The following CCDC102B variants were observed in gnomAD, a reference collection of about 807,000 sequenced individuals.
The protein encoded by CCDC102B is coiled-coil domain-containing protein 102B.
A neutral mutation model predicts 57.4 loss-of-function variants in CCDC102B; 75 were observed. That is an observed-to-expected ratio of 1.31 (90% CI 1.08 to 1.58). CCDC102B has a LOEUF of 1.58. Among genes scored for constraint, CCDC102B ranks in the 40% most tolerant of loss-of-function variants. The pLI is 0.00. For missense variants in CCDC102B, 636 were observed against 582.6 expected, an observed-to-expected ratio of 1.09 and a Z score of -0.94; for synonymous variants, 206 against 201.9, an observed-to-expected ratio of 1.02 and a Z score of -0.17.
intron 6 of CCDC102B, among the ~76,000 whole-genome samples, chr18:68,963,840 T>C (rs2050106167): frequency 6.6e-6 from 1 of 151,854 alleles, no homozygotes; most frequent in Non-Finnish European, 1.5e-5. Context: ...TGCATGCATG[T>C]ACTTATTTTG....
At chr18:68,728,002 C>A (rs1256105618) in intron 2 of CCDC102B, among the ~76,000 whole-genome samples, 2 of 152,166 alleles carry the variant, frequency 1.3e-5, no homozygotes, top group East Asian at 1.9e-4. Flanking sequence ...CAAAGTAAAT[C>A]ATACTGTTGT....
At chr18:68,911,656 G>A (rs951577543) in intron 6 of CCDC102B, among the ~76,000 whole-genome samples, 1 of 144,052 alleles carries the variant, frequency 6.9e-6, no homozygotes, top group East Asian at 2.1e-4. Context: ...AGAGGCTGAG[G>A]CAGGAGAATG....
At chr18:68,923,445 ATAT>A (rs1169240013) in intron 6 of CCDC102B, among the ~76,000 whole-genome samples, 3 of 151,978 alleles carry the variant, frequency 2.0e-5, no homozygotes, top group African/African-American at 4.8e-5. Flanking sequence ...TTAATAAATA[ATAT>A]TATTATTTAA....
At chr18:68,733,485 T>A (rs867694651) in intron 2 of CCDC102B, among the ~76,000 whole-genome samples, 2,170 of 87,242 alleles carry the variant, frequency 0.025, 96 homozygotes, top group African/African-American at 0.099. Flanking sequence ...ACTTTATATA[T>A]ATATATATAT....
At chr18:68,784,212 A>G (rs2035106120) in intron 2 of CCDC102B, among the ~76,000 whole-genome samples, 2 of 152,160 alleles carry the variant, frequency 1.3e-5, no homozygotes, top group Non-Finnish European at 2.9e-5. Context: ...GAAGCATGGC[A>G]GCTTCTGTTT....
chr18:68,987,383 T>C (rs978572120), intron 6 of CCDC102B, among the ~76,000 whole-genome samples: 3 of 151,948 alleles, frequency 2.0e-5, no homozygotes, highest in African/African-American at 7.2e-5. Context: ...AAGAATGAAA[T>C]TGGACCCCTA....
At chr18:68,769,007 A>T (rs1038469776) in intron 2 of CCDC102B, among the ~76,000 whole-genome samples, 2 of 152,130 alleles carry the variant, frequency 1.3e-5, no homozygotes, top group Admixed American at 1.3e-4. Flanking sequence ...TAATCCCAGC[A>T]CTTTGGGAGG....
At chr18:68,939,463 A>T (rs1313847463) in intron 6 of CCDC102B, among the ~76,000 whole-genome samples, 2 of 151,712 alleles carry the variant, frequency 1.3e-5, no homozygotes, top group Non-Finnish European at 3.0e-5. Context: ...CTTGATGAAG[A>T]TAACTGTTAA....
intron 6 of CCDC102B, among the ~76,000 whole-genome samples, chr18:68,959,499 C>T (rs945703179): frequency 1.1e-4 from 17 of 152,054 alleles, no homozygotes; most frequent in African/African-American, 2.9e-4. Context: ...CAGTGACCAC[C>T]GCCTGGTTAT....
intron 2 of CCDC102B, among the ~76,000 whole-genome samples, chr18:68,789,120 T>C (rs2035329490): frequency 1.3e-5 from 2 of 152,314 alleles, no homozygotes; most frequent in African/African-American, 4.8e-5. Context: ...AAATTCTGGG[T>C]TGAAAATTCT....
chr18:68,946,077 A>AT (rs143233426), intron 6 of CCDC102B, among the ~76,000 whole-genome samples: 1 of 151,788 alleles, frequency 6.6e-6, no homozygotes, highest in Non-Finnish European at 1.5e-5. Context: ...TACATTTATT[A>AT]TTTTTCATAT....
At position 68,839,035 on chromosome 18, in the gene CCDC102B, C is replaced by T. The variant is rs1346528316; in HGVS notation, c.827+109C>T. The T allele has an allele frequency of 3.3e-6, 3 of 920,950 alleles. No individual in the cohort carries two copies. The African/African-American group carries it at 5.0e-5, about 15-fold the overall frequency. 57.0% of individuals were successfully genotyped at this position (920,950 alleles called of 1,614,324 possible). A position where few individuals can be genotyped will look rare whatever the true frequency, so the allele number is the denominator to read the frequency against. On this transcript the variant is annotated intron_variant, in intron 3 of 7. Coordinates refer to ENST00000360242, the MANE Select transcript of CCDC102B (RefSeq NM_024781.3). ...ATAATGTATTTTATCCATGTTTAGT[C>T]ATTAAGTTTTAGGATTTAAAGAAAT...
In CCDC102B at chr18:68,837,167, G is replaced by A; in HGVS notation, c.404G>A (p.Ser135Asn). 6.2e-7 allele frequency: 1 copy of A among 1,614,100 alleles called. No individual in the cohort carries two copies. Residue 135 changes from serine to asparagine, a missense_variant, in exon 2 of 8, where the codon AGT (serine) becomes AAT (asparagine). Transcript: ENST00000360242. Reference sequence around the variant, plus strand: ...CTAGAGATGGCGATGAAAGAATTGAGTACACTGAAAAAGAAACAGAGTTTG... The same window carrying A: ...CTAGAGATGGCGATGAAAGAATTGAATACACTGAAAAAGAAACAGAGTTTG... ...IKLEMAMKEL[S>N]TLKKKQSLPP...
At position 68,760,183 on chromosome 18, in the gene CCDC102B, A is replaced by G. The variant is rs187277901; in HGVS notation, c.-67+43589A>G. 1.5e-3 allele frequency among the ~76,000 whole-genome samples: 232 copies of G among 152,236 alleles called. 2 individuals are homozygous for G. The highest frequency in any genetic ancestry group is 5.4e-3 in the African/African-American group (224 of 41,570). On this transcript the variant is annotated intron_variant, in intron 2 of 3. Transcript: ENST00000578970. ...CACAGTTTGGTTTTAAACTGTTTAC[A>G]TGAATTACCTTCTTAAAATAAAAGT...
At chr18:69,057,464 C>T (rs1034343051), downstream of CCDC102B, among the ~76,000 whole-genome samples, 3 of 151,982 alleles carry the variant, frequency 2.0e-5, no homozygotes, top group African/African-American at 7.2e-5. Context: ...AATACAGCTG[C>T]TGGCTGGGCC....
At chr18:68,776,663 G>T (rs1464046314) in intron 2 of CCDC102B, among the ~76,000 whole-genome samples, 2 of 152,036 alleles carry the variant, frequency 1.3e-5, no homozygotes, top group African/African-American at 4.8e-5. Context: ...CCTGTCAGAG[G>T]GTGGAGAGTG....
In CCDC102B at chr18:68,972,244, G is replaced by A. The variant is rs1464788244; in HGVS notation, c.1264-38690G>A. On this transcript the variant is annotated intron_variant, in intron 6 of 7. Transcript: ENST00000360242. ...AGGTTTCTTCGACCATGAAAAAAGA[G>A]GAGAAAGTTGTCTGGTGGGTGTTGT... Among the ~76,000 whole-genome samples, 3 of 152,294 alleles carry A rather than the reference G, an allele frequency of 2.0e-5. No homozygotes were observed. The East Asian group carries it at 5.8e-4, about 29-fold the overall frequency.
At chr18:68,972,219 A>G (rs2145262832) in intron 6 of CCDC102B, among the ~76,000 whole-genome samples, 1 of 152,276 alleles carries the variant, frequency 6.6e-6, no homozygotes, top group Non-Finnish European at 1.5e-5. Flanking sequence ...GTTTCCACGT[A>G]GGTTTCTTCG....
chr18:68,855,664 A>G (rs1421859522), intron 4 of CCDC102B, among the ~76,000 whole-genome samples: 1 of 152,126 alleles, frequency 6.6e-6, no homozygotes, highest in Non-Finnish European at 1.5e-5. Context: ...CCATTAACTA[A>G]TTTTATGCTG....
Sources: gnomAD v4.1 joint callset for allele counts (sites outside exome capture counted in the v4.1 genomes callset) on GRCh38, gnomAD v4.1.1 for gene constraint, MANE v1.5 for transcripts, NCBI Gene and HGNC (gene_info 2026-07-23, HGNC 2026-07-21) for gene names.